The following ANO10 variants were observed in gnomAD, a reference collection of about 807,000 sequenced individuals.
ANO10 encodes anoctamin 10.
In ANO10, 77 loss-of-function variants were observed where a neutral mutation model predicts 74.7. The ratio of observed to expected loss-of-function variants is 1.03; its 90% confidence interval spans 0.86 to 1.25. The LOEUF (loss-of-function observed/expected upper bound fraction) is 1.25. ANO10 is among the 50% of genes most tolerant of loss of function. The pLI, the probability that ANO10 is intolerant of heterozygous loss-of-function variation, is 0.00. For synonymous variants in ANO10, 279 were observed against 284.9 expected (o/e 0.98, Z 0.21); for missense variants, 721 against 778.1 (o/e 0.93, Z 0.87).
rs979368982 is a variant in ANO10 at position 43,422,405 on chromosome 3, G to A, written c.1914+10206C>T. 7.9e-5 allele frequency among the ~76,000 whole-genome samples: 12 copies of A among 152,176 alleles called. No homozygotes were observed. In the East Asian group the frequency reaches 1.2e-3, roughly 15 times the overall value. ...GCTGGGATTACAGGTGTTAGCCACCGCGCCCACCCTTTTTTGTTGTTTTTA... is the reference window on the plus strand; with the variant it reads ...GCTGGGATTACAGGTGTTAGCCACCACGCCCACCCTTTTTTGTTGTTTTTA... On this transcript the variant is annotated intron_variant, in intron 12 of 12. Coordinates refer to ENST00000292246, the MANE Select transcript of ANO10 (RefSeq NM_018075.5).
At chr3:43,667,794 G>A (rs1176787857) in intron 1 of ANO10, among the ~76,000 whole-genome samples, 1 of 152,072 alleles carries the variant, frequency 6.6e-6, no homozygotes, top group Non-Finnish European at 1.5e-5. Flanking sequence ...ATTCCTGACT[G>A]GTATCCCATG....
chr3:43,520,347 G>A (rs572432350), intron 11 of ANO10, among the ~76,000 whole-genome samples: 1 of 152,300 alleles, frequency 6.6e-6, no homozygotes, highest in South Asian at 2.1e-4. Flanking sequence ...AGGCTGGGAA[G>A]TCCAAGATTA....
chr3:43,428,971 G>C (rs1272992536), intron 12 of ANO10, among the ~76,000 whole-genome samples: 4 of 151,994 alleles, frequency 2.6e-5, no homozygotes, highest in Non-Finnish European at 5.9e-5. Flanking sequence ...ACTTGTATGA[G>C]AGAGGATTTT....
chr3:43,598,430 T>C, intron 4 of ANO10, 102 bp downstream of exon 4: 5 of 1,138,544 alleles, frequency 4.4e-6, no homozygotes, highest in Non-Finnish European at 6.4e-6. Flanking sequence ...AAATACAAGT[T>C]ATTGTAAGTT....
chr3:43,474,008 T>C (rs2075967750), intron 11 of ANO10, among the ~76,000 whole-genome samples: 3 of 152,190 alleles, frequency 2.0e-5, no homozygotes, highest in Admixed American at 1.3e-4. Flanking sequence ...AGCATGTGTA[T>C]ACAGTTTTGG....
At chr3:43,523,903 C>G (rs2078070076) in intron 11 of ANO10, among the ~76,000 whole-genome samples, 1 of 151,166 alleles carries the variant, frequency 6.6e-6, no homozygotes, top group Non-Finnish European at 1.5e-5. Context: ...ATGAGCTCAT[C>G]CAGAGACTAG....
At chr3:43,410,972 T>C (rs1416228751) in intron 12 of ANO10, among the ~76,000 whole-genome samples, 5 of 151,860 alleles carry the variant, frequency 3.3e-5, no homozygotes, top group Non-Finnish European at 5.9e-5. Context: ...AAGCAGAAGA[T>C]AGCACCTCCC....
chr3:43,480,582 C>G (rs2076228641), intron 11 of ANO10, among the ~76,000 whole-genome samples: 2 of 152,090 alleles, frequency 1.3e-5, no homozygotes, highest in Non-Finnish European at 2.9e-5. Flanking sequence ...TGCAAGATTC[C>G]AAACTATCTC....
chr3:43,517,459 C>A (rs571459856), intron 11 of ANO10, among the ~76,000 whole-genome samples: 42 of 151,918 alleles, frequency 2.8e-4, no homozygotes, highest in Non-Finnish European at 4.4e-4. Flanking sequence ...GGAGACAGGG[C>A]CTACAAGAAG....
At chr3:43,370,875 T>C (rs1338624000) in intron 12 of ANO10, among the ~76,000 whole-genome samples, 1 of 152,176 alleles carries the variant, frequency 6.6e-6, no homozygotes, top group Non-Finnish European at 1.5e-5. Context: ...CCAGATCCCC[T>C]TGTCTCTGTG....
intron 11 of ANO10, among the ~76,000 whole-genome samples, chr3:43,520,262 T>C (rs760480813): frequency 2.6e-5 from 4 of 152,206 alleles, no homozygotes; most frequent in Non-Finnish European, 5.9e-5. Context: ...TGTTAGTCTA[T>C]TCAGGCTGCT....
chr3:43,642,151 T>A (rs7620653), intron 1 of ANO10, among the ~76,000 whole-genome samples: 1 of 152,084 alleles, frequency 6.6e-6, no homozygotes, highest in Non-Finnish European at 1.5e-5. Context: ...GATCCAGGAA[T>A]GACAAATACA....
intron 11 of ANO10, among the ~76,000 whole-genome samples, chr3:43,473,365 A>G (rs1175513087): frequency 6.6e-6 from 1 of 151,986 alleles, no homozygotes; most frequent in Non-Finnish European, 1.5e-5. Context: ...GTTCTTCCTC[A>G]CTGCTAGGCT....
chr3:43,447,607 T>C (rs1226892907), intron 11 of ANO10, among the ~76,000 whole-genome samples: 1 of 152,254 alleles, frequency 6.6e-6, no homozygotes, highest in Non-Finnish European at 1.5e-5. Flanking sequence ...TCCAGTTCTG[T>C]ACAAGTACAA....
intron 11 of ANO10, among the ~76,000 whole-genome samples, chr3:43,516,790 A>G (rs2077730669): frequency 6.6e-6 from 1 of 152,244 alleles, no homozygotes; most frequent in South Asian, 2.1e-4. Flanking sequence ...AAAAGAGCAC[A>G]GCTGAAAATG....
chr3:43,508,495 G>T (rs568973413), intron 11 of ANO10, among the ~76,000 whole-genome samples: 1 of 152,256 alleles, frequency 6.6e-6, no homozygotes, highest in South Asian at 2.1e-4. Context: ...ACATGCACAT[G>T]TATGTTTACT....
chr3:43,466,319 C>T (rs571361858), intron 11 of ANO10, among the ~76,000 whole-genome samples: 2 of 139,306 alleles, frequency 1.4e-5, no homozygotes, highest in East Asian at 4.2e-4. Context: ...GGCAGTGAGC[C>T]GAGATCACTG....
At chr3:43,472,762 C>A (rs1203976272) in intron 11 of ANO10, among the ~76,000 whole-genome samples, 2 of 152,070 alleles carry the variant, frequency 1.3e-5, no homozygotes, top group Non-Finnish European at 2.9e-5. Context: ...TTATGAAATT[C>A]TTGTTAATTT....
intron 11 of ANO10, among the ~76,000 whole-genome samples, chr3:43,488,293 G>A (rs2076578969): frequency 6.6e-6 from 1 of 150,680 alleles, no homozygotes; most frequent in Admixed American, 6.6e-5. Context: ...CAAAAGCAAT[G>A]GCAACAAAAG....
Sources: allele counts gnomAD v4.1 joint callset (sites outside exome capture counted in the v4.1 genomes callset), GRCh38; gene constraint gnomAD v4.1.1; transcripts MANE v1.5; gene names NCBI Gene and HGNC (gene_info 2026-07-23, HGNC 2026-07-21).